ACCSL: variants seen among roughly 807,000 people sequenced by gnomAD.
ACCSL encodes 1-aminocyclopropane-1-carboxylate synthase homolog (inactive) like.
ACCSL carries 55 observed loss-of-function variants against 61.7 expected under a neutral mutation model. That is an observed-to-expected ratio of 0.89 (90% CI 0.72 to 1.12). ACCSL has a LOEUF of 1.12. ACCSL is among the 50% of genes most tolerant of loss of function. The pLI, the probability that ACCSL is intolerant of heterozygous loss-of-function variation, is 0.00. For missense variants in ACCSL, 632 were observed against 698.0 expected, an observed-to-expected ratio of 0.91 and a Z score of 1.07; for synonymous variants, 258 against 264.3, an observed-to-expected ratio of 0.98 and a Z score of 0.23.
chr11:43,961,701 T>TTCTCTCTCTCTCTCTC, the ACCSL span, among the ~76,000 whole-genome samples: 1 of 151,142 alleles, frequency 6.6e-6, no homozygotes, highest in South Asian at 2.1e-4. Context: ...TATTGTTTTG[T>TTCTCTCTCTCTCTCTC]TCTCTCTCTC....
chr11:43,971,472 G>T, the ACCSL span: 2 of 152,202 alleles, frequency 1.3e-5, no homozygotes, highest in Non-Finnish European at 2.9e-5. Context: ...GAGGGAGGAA[G>T]TGTCTTGCCC....
chr11:44,044,129 A>G (rs1952587331), upstream of ACCSL, among the ~76,000 whole-genome samples: 1 of 152,320 alleles, frequency 6.6e-6, no homozygotes, highest in Admixed American at 6.5e-5. Context: ...TTGAGTCACC[A>G]AAATACGGTA....
At chr11:44,003,555 A>G in the ACCSL span, among the ~76,000 whole-genome samples, 1 of 151,798 alleles carries the variant, frequency 6.6e-6, no homozygotes, top group African/African-American at 2.4e-5. Flanking sequence ...AGGCAGGTGA[A>G]TCGCTTGAAC....
the ACCSL span, among the ~76,000 whole-genome samples, chr11:43,966,812 G>T: frequency 6.6e-6 from 1 of 152,006 alleles, no homozygotes; most frequent in African/African-American, 2.4e-5. Context: ...GACTGTTCTA[G>T]GACAACTTTC....
At chr11:44,051,463 G>T (rs1199261368) in intron 4 of ACCSL, 59 bp downstream of exon 4, 2 of 1,599,296 alleles carry the variant, frequency 1.3e-6, no homozygotes, top group African/African-American at 2.7e-5. Context: ...CTTGGAGGAT[G>T]CTCTGCCCTT....
At chr11:43,989,130 C>T in the ACCSL span, among the ~76,000 whole-genome samples, 1 of 152,292 alleles carries the variant, frequency 6.6e-6, no homozygotes, top group African/African-American at 2.4e-5. Flanking sequence ...AGGCTGCAGA[C>T]TTTGTGGCCA....
the ACCSL span, among the ~76,000 whole-genome samples, chr11:43,967,190 T>C: frequency 3.5e-3 from 434 of 124,762 alleles, 1 homozygote; most frequent in African/African-American, 0.012. Context: ...TTTTTTTTTT[T>C]TTTTGAGATG....
At chr11:44,039,918 C>A in the ACCSL span, among the ~76,000 whole-genome samples, 1 of 152,220 alleles carries the variant, frequency 6.6e-6, no homozygotes, top group Non-Finnish European at 1.5e-5. Flanking sequence ...TTCCACCTGC[C>A]CTATCACTTT....
rs1423325679 is a variant in ACCSL, at chr11:44,050,156, C to A, written c.564+35C>A. The A allele has an allele frequency of 2.5e-6, 4 of 1,571,538 alleles. No individual in the cohort carries two copies. The African/African-American group carries it at 5.4e-5, about 21-fold the overall frequency. ...TTCTGGGCTGTGTTGGGACCCACCC[C>A]TTCAAGGCTTAGTCCCCCTAGCGTG... On this transcript the variant is annotated intron_variant, in intron 2 of 13. Transcript: ENST00000378832.
At chr11:43,968,164 C>T in the ACCSL span, among the ~76,000 whole-genome samples, 2 of 152,110 alleles carry the variant, frequency 1.3e-5, no homozygotes, top group Non-Finnish European at 2.9e-5. Context: ...GCATAGGACA[C>T]CCCCACAACA....
At position 44,059,858 on chromosome 11, in the gene ACCSL, G is replaced by A. The variant is rs1344048048; in HGVS notation, c.1645G>A (p.Val549Met). 2 of 1,613,734 alleles carry A rather than the reference G, an allele frequency of 1.2e-6. No individual in the cohort carries two copies. Among genetic ancestry groups the A allele is most frequent in the Non-Finnish European group, 1.7e-6 (2 of 1,179,828 alleles). Residue 549 changes from valine (V) to methionine (M), a missense_variant, in exon 14 of 14, where the codon GTG (valine) becomes ATG (methionine). Val to Met is a conservative substitution (Grantham distance 21, BLOSUM62 1). Coordinates refer to ENST00000378832, the MANE Select transcript of ACCSL (RefSeq NM_001031854.2). ...LKLAMRRFCD[V>M]LQEQKEALIV... ...TCTAGCTATGCGTCGGTTCTGTGAT[G>A]TGCTGCAGGAGCAGAAGGAGGCTTT...
At chr11:43,974,363 T>C in the ACCSL span, among the ~76,000 whole-genome samples, 1 of 152,212 alleles carries the variant, frequency 6.6e-6, no homozygotes, top group Non-Finnish European at 1.5e-5. Flanking sequence ...CATATCACTC[T>C]TTATCTCTAC....
the ACCSL span, among the ~76,000 whole-genome samples, chr11:43,946,251 A>G: frequency 5.9e-5 from 9 of 152,188 alleles, no homozygotes; most frequent in South Asian, 1.9e-3. Flanking sequence ...AGTAGTAGCC[A>G]CCATGCCCAG....
the ACCSL span, among the ~76,000 whole-genome samples, chr11:44,027,152 G>A: frequency 2.6e-5 from 4 of 152,192 alleles, no homozygotes; most frequent in African/African-American, 9.7e-5. Context: ...AAGTTTCTCA[G>A]CCTTTGCCAA....
the ACCSL span, among the ~76,000 whole-genome samples, chr11:43,963,763 C>A: frequency 6.6e-6 from 1 of 152,200 alleles, no homozygotes; most frequent in East Asian, 1.9e-4. Flanking sequence ...ATTTTCCCTG[C>A]ATTGCTATAA....
chr11:43,934,727 C>T, the ACCSL span, among the ~76,000 whole-genome samples: 1 of 152,098 alleles, frequency 6.6e-6, no homozygotes, highest in African/African-American at 2.4e-5. Context: ...CTGCCTACCC[C>T]CCAGGGAAAA....
chr11:43,993,039 C>T, the ACCSL span, among the ~76,000 whole-genome samples: 27,445 of 151,854 alleles, frequency 0.18, 3,274 homozygotes, highest in Admixed American at 0.3. Context: ...TCTGAAATGG[C>T]ACATGTTGCT....
the ACCSL span, among the ~76,000 whole-genome samples, chr11:44,010,177 C>T: frequency 1.3e-5 from 2 of 152,106 alleles, no homozygotes; most frequent in African/African-American, 2.4e-5. Flanking sequence ...CCCGTCTCTA[C>T]TAAAAATACA....
At chr11:43,949,823 C>A in the ACCSL span, among the ~76,000 whole-genome samples, 14 of 122,158 alleles carry the variant, frequency 1.1e-4, no homozygotes, top group African/African-American at 1.9e-4. Flanking sequence ...TCAAAAAAAA[C>A]AAACAAACAA....
Sources: allele counts gnomAD v4.1 joint callset (sites outside exome capture counted in the v4.1 genomes callset), GRCh38; gene constraint gnomAD v4.1.1; transcripts MANE v1.5; gene names NCBI Gene and HGNC (gene_info 2026-07-23, HGNC 2026-07-21).